The following MCF2L variants were observed in gnomAD, a reference collection of about 807,000 sequenced individuals.
MCF2L encodes MCF.2 cell line derived transforming sequence like, also known as guanine nucleotide exchange factor DBS.
In MCF2L, 97 loss-of-function variants were observed where a neutral mutation model predicts 153.4. That is an observed-to-expected ratio of 0.63 (90% CI 0.54 to 0.75). The LOEUF is 0.75. Ranked by LOEUF, MCF2L falls within the 30% of genes least tolerant of loss-of-function variation. The pLI, the probability that MCF2L is intolerant of heterozygous loss-of-function variation, is 0.00. For missense variants in MCF2L, 1,347 were observed against 1,495.2 expected, an observed-to-expected ratio of 0.90 and a Z score of 1.64; for synonymous variants, 659 against 632.2, an observed-to-expected ratio of 1.04 and a Z score of -0.64.
chr13:112,898,978 C>T (rs1024973413), intron 1 of MCF2L, among the ~76,000 whole-genome samples: 2 of 152,224 alleles, frequency 1.3e-5, no homozygotes, highest in African/African-American at 4.8e-5. Context: ...GGGCAGGGCC[C>T]CCTCCCCCCA....
At chr13:113,069,738 T>G (rs906595470) in intron 8 of MCF2L, among the ~76,000 whole-genome samples, 1 of 152,192 alleles carries the variant, frequency 6.6e-6, no homozygotes, top group Non-Finnish European at 1.5e-5. Context: ...AAATAAATTT[T>G]AAAAAAAGTT....
In MCF2L at chr13:112,969,633, A is replaced by T; in HGVS notation, c.79+175A>T. On this transcript the variant is annotated intron_variant, in intron 1 of 29. Coordinates refer to ENST00000535094, the MANE Select transcript of MCF2L (RefSeq NM_001112732.3). This position sits in a 1 kb window ranked among gnomAD's most constrained non-coding sequence, Gnocchi z 4.8. ...GGTGTGTTTTCAGAGGCTGTCGGCG[A>T]TCGTATGCTGCCCGGGATAGTCAAA... 2 of 669,898 alleles carry T rather than the reference A, an allele frequency of 3.0e-6. No homozygotes were observed. The highest frequency in any genetic ancestry group is 3.7e-6 in the Non-Finnish European group (2 of 541,794). The allele number at this position is 669,898 out of a possible 1,614,324, so 41.5% of individuals were successfully genotyped here. A position where few individuals can be genotyped will look rare whatever the true frequency, so the allele number is the denominator to read the frequency against.
chr13:113,097,485 T>C lies in MCF2L; in HGVS notation c.*626T>C, dbSNP rs2035753290. On this transcript the variant is annotated 3_prime_UTR_variant, in exon 30 of 30. Coordinates refer to ENST00000535094, the MANE Select transcript of MCF2L (RefSeq NM_001112732.3). ...GGGGGGGCTCTCCCATGGAAACGGA[T>C]GGCACTCCCTGAAGCTCCCTGGTCA... 6.6e-6 allele frequency: 1 copy of C among 152,180 alleles called. No homozygotes were observed. The highest frequency in any genetic ancestry group is 1.5e-5 in the Non-Finnish European group (1 of 68,028). 9.4% of individuals were successfully genotyped at this position (152,180 alleles called of 1,614,324 possible). A position where few individuals can be genotyped will look rare whatever the true frequency, so the allele number is the denominator to read the frequency against.
intron 1 of MCF2L, among the ~76,000 whole-genome samples, chr13:112,898,855 GGCCCTGAGCTTCT>G (rs1443279274): frequency 1.3e-5 from 2 of 152,058 alleles, no homozygotes; most frequent in Admixed American, 6.5e-5. Flanking sequence ...TGCCACTCTT[GGCCCTGAGCTTCT>G]GCCCCTATCC....
At position 113,045,798 on chromosome 13, in the gene MCF2L, A is replaced by G. The variant is rs1594812235; in HGVS notation, c.369+437A>G. The G allele has an allele frequency of 1.4e-5, 3 of 216,172 alleles. No individual in the cohort carries two copies. In the East Asian group the frequency reaches 3.0e-4, roughly 22 times the overall value. The allele number at this position is 216,172 out of a possible 1,614,324, so 13.4% of individuals were successfully genotyped here. On this transcript the variant is annotated intron_variant, in intron 4 of 29. Transcript: ENST00000535094. The surrounding 1 kb of genome is among the most constrained non-coding windows in gnomAD (Gnocchi z 4.2). The stretch of plus-strand genomic sequence containing the variant: ...GGATTGAACATGCACTTCCTCTTAC[A>G]CAAAGCACAACAGTCCTGACCAGGC...
In MCF2L at chr13:112,904,606, AAGCCCTTT is replaced by A. The variant is rs1368714666; in HGVS notation, c.169+2238_169+2245del. 6.6e-6 allele frequency among the ~76,000 whole-genome samples: 1 copy of A among 152,244 alleles called. No homozygotes were observed. The highest frequency in any genetic ancestry group is 2.4e-5 in the African/African-American group (1 of 41,464). On this transcript the variant is annotated intron_variant, in intron 2 of 29. Coordinates refer to the MCF2L transcript ENST00000375608. This position sits in a 1 kb window ranked among gnomAD's most constrained non-coding sequence, Gnocchi z 4.2. Reference sequence around the variant, plus strand: ...AGGCCCAGGGCTGGCTTTACCAAGAAAGCCCTTTAGGCAGCTTCCCTCCAACCCTGGAC... The same window carrying A: ...AGGCCCAGGGCTGGCTTTACCAAGAAAGGCAGCTTCCCTCCAACCCTGGAC...
At chr13:112,922,008 A>G (rs1024233240) in intron 2 of MCF2L, among the ~76,000 whole-genome samples, 2 of 152,226 alleles carry the variant, frequency 1.3e-5, no homozygotes, top group African/African-American at 4.8e-5. Flanking sequence ...AATAATAAAA[A>G]TAATAAATCT....
rs113235349 is a variant in MCF2L at position 113,096,318 on chromosome 13, T to G, written c.3076-53T>G. 1,574 of 1,384,696 alleles carry G rather than the reference T, an allele frequency of 1.1e-3. 13 individuals carry two copies. In the African/African-American group the frequency reaches 0.018, roughly 16 times the overall value. The allele number at this position is 1,384,696 out of a possible 1,614,324, so 85.8% of individuals were successfully genotyped here. On this transcript the variant is annotated intron_variant, in intron 27 of 29. Transcript: ENST00000535094. ...GCACTCCGCCTGGCTGCTGTGGGGC[T>G]GCTGCCGGGGCGGGTGCTGACGCTG... is the stretch of plus-strand genomic sequence containing the variant.
At chr13:112,902,370 A>G (rs2081127691) in exon 2 of MCF2L, 3 of 1,611,908 alleles carry the variant, frequency 1.9e-6, no homozygotes, top group African/African-American at 1.3e-5. Context: ...CCATGGCCAC[A>G]GGTAGGCGCC....
At chr13:113,060,395 T>A (rs1037559279) in intron 4 of MCF2L, among the ~76,000 whole-genome samples, 198 bp from the exon 5 acceptor site, 2 of 152,252 alleles carry the variant, frequency 1.3e-5, no homozygotes, top group East Asian at 1.9e-4. Context: ...AGGCTTTTCC[T>A]CTTTTCTTTT....
At chr13:112,898,997 C>A (rs2081094917) in intron 1 of MCF2L, among the ~76,000 whole-genome samples, 1 of 152,248 alleles carries the variant, frequency 6.6e-6, no homozygotes, top group Non-Finnish European at 1.5e-5. Flanking sequence ...CATGCCGGGT[C>A]TGCCCCCGCT....
In MCF2L at chr13:113,060,721, G is replaced by A. The variant is rs899920024; in HGVS notation, c.489+9G>A. The A allele has an allele frequency of 2.4e-5, 39 of 1,611,920 alleles. No individual in the cohort carries two copies. The highest frequency in any genetic ancestry group is 4.5e-5 in the East Asian group (2 of 44,874). ...TTAAGATGAAGGTGCCGGTAAGTGC[G>A]CCCCGCCTCCATCCTGCGGTAGCAG... On this transcript the variant is annotated intron_variant, in intron 5 of 29. Coordinates refer to ENST00000535094, the MANE Select transcript of MCF2L (RefSeq NM_001112732.3).
At position 113,028,418 on chromosome 13, in the gene MCF2L, T is replaced by G. The variant is rs1465948277; in HGVS notation, c.278+3660T>G. ...GCTGCTGCCCCACTTGTCTGTCTGC[T>G]TCTCCTGAGATCCAGGAATCTCAGA... On this transcript the variant is annotated intron_variant, in intron 3 of 29. Transcript: ENST00000535094. The surrounding 1 kb of genome is among the most constrained non-coding windows in gnomAD (Gnocchi z 5.4). Among the ~76,000 whole-genome samples the G allele has an allele frequency of 6.6e-6, 1 of 152,230 alleles. No homozygotes were observed. The highest frequency in any genetic ancestry group is 2.4e-5 in the African/African-American group (1 of 41,464).
intron 1 of MCF2L, among the ~76,000 whole-genome samples, chr13:112,981,552 G>A (rs79140683): frequency 0.028 from 4,325 of 152,278 alleles, 85 homozygotes; most frequent in African/African-American, 0.04. Context: ...CAGATGCACC[G>A]AGCCCGTGGC....
At chr13:112,978,780 C>T (rs2082299286) in intron 1 of MCF2L, among the ~76,000 whole-genome samples, 1 of 152,264 alleles carries the variant, frequency 6.6e-6, no homozygotes, top group Non-Finnish European at 1.5e-5. Context: ...GGCCTGAGCG[C>T]CAGCCCTGCC....
chr13:112,995,286 C>T (rs944042542), intron 1 of MCF2L, among the ~76,000 whole-genome samples: 4 of 152,212 alleles, frequency 2.6e-5, no homozygotes, highest in South Asian at 4.1e-4. Context: ...CGAGCCTGTC[C>T]GCCTCCTGAA....
At chr13:113,082,810 G>C (rs559606864) in intron 17 of MCF2L, among the ~76,000 whole-genome samples, 1 of 152,158 alleles carries the variant, frequency 6.6e-6, no homozygotes, top group Non-Finnish European at 1.5e-5. Context: ...CTGAGCCCGA[G>C]TGCGCCCTGT....
intron 26 of MCF2L, chr13:113,090,692 C>G (rs1035813141): frequency 2.0e-6 from 2 of 985,368 alleles, no homozygotes; most frequent in Non-Finnish European, 1.2e-6. Flanking sequence ...CCCTGGCGTG[C>G]AGGCGGCTCT....
chr13:112,914,407 C>G (rs572828510), intron 2 of MCF2L, among the ~76,000 whole-genome samples: 1 of 152,178 alleles, frequency 6.6e-6, no homozygotes, highest in Non-Finnish European at 1.5e-5. Context: ...TGTATTCACT[C>G]GTCTCTGCTG....
Sources: gnomAD v4.1 joint callset for allele counts (sites outside exome capture counted in the v4.1 genomes callset) on GRCh38, gnomAD v4.1.1 for gene constraint, Gnocchi (gnomAD v3.1) non-coding constraint, MANE v1.5 for transcripts, NCBI Gene and HGNC (gene_info 2026-07-23, HGNC 2026-07-21) for gene names.